The following CCDC171 variants were observed in gnomAD, a reference collection of about 807,000 sequenced individuals.
CCDC171 encodes coiled-coil domain containing 171, also known as coiled-coil domain-containing protein 171.
CCDC171 carries 177 observed loss-of-function variants against 168.2 expected under a neutral mutation model. The ratio of observed to expected loss-of-function variants is 1.05; its 90% CI spans 0.93 to 1.19. CCDC171 has a LOEUF of 1.19. Among genes scored for constraint, CCDC171 ranks in the 50% most tolerant of loss-of-function variants. CCDC171 has a pLI of 0.00. For missense variants in CCDC171, 1,991 were observed against 1,539.0 expected (o/e 1.29, Z -4.91); for synonymous variants, 687 against 540.8 (o/e 1.27, Z -3.75).
intron 3 of CCDC171, among the ~76,000 whole-genome samples, chr9:16,017,912 T>C (rs955844755): frequency 1.3e-5 from 2 of 152,160 alleles, no homozygotes; most frequent in African/African-American, 2.4e-5. Context: ...CATGAAGCCA[T>C]CACAATGGAG....
the CCDC171 span, among the ~76,000 whole-genome samples, chr9:16,077,370 A>G: frequency 2.0e-4 from 31 of 152,132 alleles, no homozygotes; most frequent in Non-Finnish European, 1.2e-4. Flanking sequence ...CCTTTGTGGT[A>G]GCATTATACC....
At chr9:15,793,493 C>G (rs931867449) in intron 21 of CCDC171, among the ~76,000 whole-genome samples, 2 of 151,616 alleles carry the variant, frequency 1.3e-5, no homozygotes, top group African/African-American at 4.9e-5. Flanking sequence ...ACAGAACTCT[C>G]CACCCGAAAT....
chr9:15,999,261 A>C (rs771120260), intron 3 of CCDC171, among the ~76,000 whole-genome samples: 1 of 150,888 alleles, frequency 6.6e-6, no homozygotes, highest in Non-Finnish European at 1.5e-5. Flanking sequence ...AGAAAGAGAG[A>C]AAGAGAAAGA....
At chr9:15,832,821 T>C (rs1205368705) in intron 21 of CCDC171, among the ~76,000 whole-genome samples, 1 of 152,158 alleles carries the variant, frequency 6.6e-6, no homozygotes, top group Non-Finnish European at 1.5e-5. Context: ...TTCTTTATAT[T>C]CTTATTCAGT....
At chr9:15,931,927 T>C (rs1047312916) in intron 25 of CCDC171, among the ~76,000 whole-genome samples, 2 of 151,838 alleles carry the variant, frequency 1.3e-5, no homozygotes, top group Non-Finnish European at 2.9e-5. Flanking sequence ...ATGACTTTAT[T>C]TCTGGGTTCT....
intron 25 of CCDC171, among the ~76,000 whole-genome samples, chr9:15,958,640 C>T (rs1030228698): frequency 4.0e-5 from 6 of 151,306 alleles, no homozygotes; most frequent in Non-Finnish European, 5.9e-5. Flanking sequence ...TAGGAGTTAA[C>T]GTGATGAAGA....
intron 21 of CCDC171, among the ~76,000 whole-genome samples, chr9:15,836,080 T>C (rs1442997981): frequency 6.6e-6 from 1 of 152,202 alleles, no homozygotes; most frequent in African/African-American, 2.4e-5. Context: ...CAATATTAAA[T>C]GAGCCTAGAC....
chr9:15,823,653 C>T (rs551398403), intron 21 of CCDC171, among the ~76,000 whole-genome samples: 3 of 152,108 alleles, frequency 2.0e-5, no homozygotes, highest in Non-Finnish European at 2.9e-5. Context: ...TATAGAAAAG[C>T]CAAATATATT....
At chr9:15,685,945 C>T (rs1336587093) in intron 10 of CCDC171, among the ~76,000 whole-genome samples, 3 of 151,964 alleles carry the variant, frequency 2.0e-5, no homozygotes, top group African/African-American at 7.3e-5. Flanking sequence ...CTTTTTAAGC[C>T]TGATGAGTGA....
At chr9:15,934,799 A>T (rs1293607992) in intron 25 of CCDC171, among the ~76,000 whole-genome samples, 1 of 152,098 alleles carries the variant, frequency 6.6e-6, no homozygotes, top group African/African-American at 2.4e-5. Context: ...CAGCCAAACC[A>T]TGGACGAATA....
chr9:15,847,492 T>G (rs1021563663), intron 22 of CCDC171, among the ~76,000 whole-genome samples: 1 of 152,108 alleles, frequency 6.6e-6, no homozygotes, highest in African/African-American at 2.4e-5. Flanking sequence ...AAGTTCACAT[T>G]GAACAGTTCT....
intron 3 of CCDC171, among the ~76,000 whole-genome samples, chr9:15,988,590 T>C (rs568368379): frequency 6.6e-6 from 1 of 151,998 alleles, no homozygotes; most frequent in Non-Finnish European, 1.5e-5. Context: ...GGACAGTGGG[T>C]GCAGCACACC....
chr9:15,870,794 T>TC (rs916067001), intron 23 of CCDC171, among the ~76,000 whole-genome samples: 12 of 150,238 alleles, frequency 8.0e-5, no homozygotes, highest in Non-Finnish European at 7.4e-5. Flanking sequence ...AGAAATAGCT[T>TC]TTTTTTTTGT....
intron 10 of CCDC171, among the ~76,000 whole-genome samples, chr9:15,685,599 C>T (rs1356522731): frequency 6.6e-6 from 1 of 151,962 alleles, no homozygotes; most frequent in Non-Finnish European, 1.5e-5. Context: ...TACACCAGTG[C>T]ATGCTAGCCT....
intron 11 of CCDC171, among the ~76,000 whole-genome samples, chr9:15,718,591 G>C (rs1397018965): frequency 6.6e-6 from 1 of 152,252 alleles, no homozygotes; most frequent in African/African-American, 2.4e-5. Flanking sequence ...AGGGGTGCTT[G>C]TGTCACTTCT....
chr9:15,777,361 G>A (rs1157426370), intron 18 of CCDC171, among the ~76,000 whole-genome samples: 2 of 152,148 alleles, frequency 1.3e-5, no homozygotes, highest in African/African-American at 4.8e-5. Context: ...TATTCCATGT[G>A]AATGGCATAC....
At chr9:15,791,855 A>G (rs1045661500) in intron 21 of CCDC171, among the ~76,000 whole-genome samples, 5 of 152,362 alleles carry the variant, frequency 3.3e-5, no homozygotes, top group African/African-American at 1.2e-4. Context: ...AAAGGTAGAT[A>G]AAACCACAAA....
At position 15,837,045 on chromosome 9, in the gene CCDC171, G is replaced by C. The variant is rs193105978; in HGVS notation, c.3268-9657G>C. ...CCCTCTTCACTAGTTTGGTCAGTAG[G>C]GTTGAAAATAGTTATCTCCGGGAGT... On this transcript the variant is annotated intron_variant, in intron 21 of 25. Transcript: ENST00000380701. Among the ~76,000 whole-genome samples, 10 of 152,256 alleles carry C rather than the reference G, an allele frequency of 6.6e-5. No homozygotes were observed. In the East Asian group the frequency reaches 1.9e-3, roughly 29 times the overall value.
chr9:15,563,882 A>G (rs927181698), intron 1 of CCDC171, 96 bp from the exon 2 acceptor site: 6 of 518,290 alleles, frequency 1.2e-5, no homozygotes, highest in Admixed American at 1.1e-4. Context: ...TTCACTTATC[A>G]ATTATTACAT....
Sources: allele counts gnomAD v4.1 joint callset (sites outside exome capture counted in the v4.1 genomes callset), GRCh38; gene constraint gnomAD v4.1.1; transcripts MANE v1.5; gene names NCBI Gene and HGNC (gene_info 2026-07-23, HGNC 2026-07-21).